Variants in AKR1E2 observed in about 807,000 individuals in gnomAD.
The protein encoded by AKR1E2 is aldo-keto reductase family 1 member E2.
AKR1E2 carries 43 observed loss-of-function variants against 41.9 expected under a neutral mutation model. The ratio of observed to expected loss-of-function variants is 1.03; its 90% CI spans 0.80 to 1.32. The LOEUF is 1.32. Ranked by LOEUF, AKR1E2 falls within the 40% of genes most tolerant of loss-of-function variation. The pLI is 0.00. For missense variants in AKR1E2, 423 were observed against 396.5 expected (o/e 1.07, Z -0.57); for synonymous variants, 121 against 138.9 (o/e 0.87, Z 0.91).
chr10:4,842,442 C>T lies in AKR1E2; in HGVS notation c.775C>T (p.Gln259Ter), dbSNP rs1833965746. ...PAQILIRFQIQRNVIVIPGSI... is the reference protein window; with the variant it reads ...PAQILIRFQI ...GCAGATTTTGATCCGATTTCAAATC[C>T]AGAGGAATGTGATAGTGATCCCCGG... The change falls in exon 8 of 10, where the codon CAG (glutamine) becomes TAG (stop). Residue 259 changes from glutamine to a stop codon, truncating the protein, a stop_gained. Transcript: ENST00000298375. LOFTEE classifies it high-confidence loss of function. 1 of 1,614,044 alleles carries T rather than the reference C, an allele frequency of 6.2e-7. No homozygotes were observed. Among genetic ancestry groups the T allele is most frequent in the Non-Finnish European group, 8.5e-7 (1 of 1,179,940 alleles).
chr10:4,861,613 C>G, the AKR1E2 span, among the ~76,000 whole-genome samples: 25 of 152,128 alleles, frequency 1.6e-4, no homozygotes, highest in Non-Finnish European at 3.7e-4. Flanking sequence ...AAGTGATCCT[C>G]CCGCCTCGGT....
intron 4 of AKR1E2, among the ~76,000 whole-genome samples, chr10:4,836,182 T>C (rs1833401533): frequency 6.6e-6 from 1 of 152,120 alleles, no homozygotes; most frequent in Non-Finnish European, 1.5e-5. Context: ...GTAACCACTG[T>C]TAATGTTTTA....
At chr10:4,852,013 C>T (rs1344955585), downstream of AKR1E2, among the ~76,000 whole-genome samples, 4 of 152,100 alleles carry the variant, frequency 2.6e-5, no homozygotes, top group African/African-American at 4.8e-5. Flanking sequence ...TTCCATGTGA[C>T]GCCAGTGGAA....
chr10:4,860,892 A>C, the AKR1E2 span, among the ~76,000 whole-genome samples: 1 of 152,168 alleles, frequency 6.6e-6, no homozygotes, highest in Non-Finnish European at 1.5e-5. Context: ...ATGGCAGTCA[A>C]CTGCAGCTAA....
rs17133693 is a variant in AKR1E2, at chr10:4,833,399, A to C, written c.257A>C (p.Lys86Thr). ...KKSLVETACRKSLKALKLNYL... is the reference protein window; with the variant it reads ...KKSLVETACRTSLKALKLNYL... ...TCCTTGGTGGAAACAGCATGCAGAA[A>C]GAGTCTCAAGGCCTTGAAGCTGAAC... Residue 86 changes from lysine to threonine, a missense_variant, in exon 3 of 10, where the codon AAG becomes ACG. Transcript: ENST00000298375. The C allele has an allele frequency of 6.2e-7, 1 of 1,613,916 alleles. No individual in the cohort carries two copies. The highest frequency in any genetic ancestry group is 8.5e-7 in the Non-Finnish European group (1 of 1,179,916).
the AKR1E2 span, among the ~76,000 whole-genome samples, chr10:4,863,136 C>T: frequency 1.3e-5 from 2 of 152,176 alleles, no homozygotes; most frequent in Non-Finnish European, 2.9e-5. Context: ...GAACTCTCCA[C>T]CCCAAATCAA....
At chr10:4,846,361 G>C (rs7921112) in intron 8 of AKR1E2, among the ~76,000 whole-genome samples, 2 of 151,874 alleles carry the variant, frequency 1.3e-5, no homozygotes, top group African/African-American at 4.8e-5. Flanking sequence ...GGGAGGGAAG[G>C]GCTGAGAAGA....
chr10:4,864,374 A>G, the AKR1E2 span, among the ~76,000 whole-genome samples: 1 of 152,188 alleles, frequency 6.6e-6, no homozygotes, highest in Non-Finnish European at 1.5e-5. Flanking sequence ...TGATTATCTC[A>G]ATAGATGCAG....
At chr10:4,846,452 G>A (rs551517699) in intron 8 of AKR1E2, among the ~76,000 whole-genome samples, 4 of 152,266 alleles carry the variant, frequency 2.6e-5, no homozygotes, top group Non-Finnish European at 4.4e-5. Flanking sequence ...CATAGTCCCA[G>A]GGCCAAGTGG....
At position 4,826,207 on chromosome 10, in the gene AKR1E2, G is replaced by C. The variant is rs1021191274; in HGVS notation, c.-118G>C. 1.3e-5 allele frequency: 10 copies of C among 775,660 alleles called. No homozygotes were observed. The highest frequency in any genetic ancestry group is 1.8e-5 in the Non-Finnish European group (10 of 570,658). 48.0% of individuals were successfully genotyped at this position (775,660 alleles called of 1,614,324 possible). On this transcript the variant is annotated 5_prime_UTR_variant, in exon 1 of 10. Coordinates refer to ENST00000298375, the MANE Select transcript of AKR1E2 (RefSeq NM_001040177.3). ...TCCAGCCATTGTCGGAGTGTCAGCC[G>C]TCACAAGGCACTTCCAGCCAGTCGC...
In AKR1E2 at chr10:4,837,452, C is replaced by G. The variant is rs746359687; in HGVS notation, c.460-7C>G. 8 of 1,613,660 alleles carry G rather than the reference C, an allele frequency of 5.0e-6. No individual in the cohort carries two copies. The highest frequency in any genetic ancestry group is 6.8e-6 in the Non-Finnish European group (8 of 1,179,746). ...GCTTCACACCCAGCAGAGTCGTTCT[C>G]TTATAGGCCATGGAGGACCTGGTGA... On this transcript the variant is annotated splice_polypyrimidine_tract_variant and splice_region_variant and intron_variant, in intron 4 of 9. Coordinates refer to ENST00000298375, the MANE Select transcript of AKR1E2 (RefSeq NM_001040177.3).
At chr10:4,867,599 AAGGTGTTGGATGTGCCAAT>A in the AKR1E2 span, among the ~76,000 whole-genome samples, 1 of 152,222 alleles carries the variant, frequency 6.6e-6, no homozygotes, top group Non-Finnish European at 1.5e-5. Flanking sequence ...CCATTCAGCC[AAGGTGTTGGATGTGCCAAT>A]AGTCAGTTTA....
chr10:4,867,194 C>CA, the AKR1E2 span, among the ~76,000 whole-genome samples: 5 of 152,160 alleles, frequency 3.3e-5, no homozygotes, highest in Non-Finnish European at 5.9e-5. Flanking sequence ...AAGATGGAGT[C>CA]AGTTAAGTTA....
intron 4 of AKR1E2, among the ~76,000 whole-genome samples, chr10:4,836,450 G>A (rs1374180401): frequency 6.6e-6 from 1 of 152,210 alleles, no homozygotes; most frequent in Non-Finnish European, 1.5e-5. Context: ...CAGCATGGCT[G>A]ACCGAGCACG....
chr10:4,867,171 G>A, the AKR1E2 span, among the ~76,000 whole-genome samples: 2 of 152,326 alleles, frequency 1.3e-5, no homozygotes, highest in African/African-American at 4.8e-5. Context: ...AGGACAACTT[G>A]GAGGTTAGAA....
chr10:4,837,607 T>A, intron 5 of AKR1E2, 26 bp downstream of exon 5: 1 of 1,600,574 alleles, frequency 6.2e-7, no homozygotes. Flanking sequence ...CATCAGAGAG[T>A]TTAACCTGTG....
chr10:4,855,769 G>A, the AKR1E2 span, among the ~76,000 whole-genome samples: 1 of 152,208 alleles, frequency 6.6e-6, no homozygotes, highest in East Asian at 1.9e-4. Flanking sequence ...AATAAAGACA[G>A]TTTTAAAGAT....
At chr10:4,844,026 A>G (rs1300106980) in intron 8 of AKR1E2, among the ~76,000 whole-genome samples, 2 of 152,224 alleles carry the variant, frequency 1.3e-5, no homozygotes, top group Non-Finnish European at 1.5e-5. Context: ...ACTGACCGGC[A>G]TCTGCTCCAC....
chr10:4,859,242 A>G, the AKR1E2 span, among the ~76,000 whole-genome samples: 4 of 152,310 alleles, frequency 2.6e-5, no homozygotes, highest in East Asian at 3.9e-4. Context: ...TGGGTTTAGG[A>G]TACAAATATG....
Sources: allele counts gnomAD v4.1 joint callset (sites outside exome capture counted in the v4.1 genomes callset), GRCh38; gene constraint gnomAD v4.1.1; transcripts MANE v1.5; gene names NCBI Gene and HGNC (gene_info 2026-07-23, HGNC 2026-07-21).